MRTFA: variants seen among roughly 807,000 people sequenced by gnomAD.
MRTFA encodes the protein myocardin-related transcription factor A.
MRTFA carries 20 observed loss-of-function variants against 83.5 expected under a neutral mutation model. That is an observed-to-expected ratio of 0.24 (90% CI 0.17 to 0.35). The LOEUF (loss-of-function observed/expected upper bound fraction) is 0.35. Ranked by LOEUF, MRTFA falls within the 10% of genes least tolerant of loss-of-function variation. The pLI, the probability that MRTFA is intolerant of heterozygous loss-of-function variation, is 1.00. For missense variants in MRTFA, 1,200 were observed against 1,224.7 expected (o/e 0.98, Z 0.30); for synonymous variants, 659 against 541.2 (o/e 1.22, Z -3.02).
At chr22:40,505,879 G>A (rs2054572048) in intron 3 of MRTFA, among the ~76,000 whole-genome samples, 1 of 152,124 alleles carries the variant, frequency 6.6e-6, no homozygotes, top group Non-Finnish European at 1.5e-5. Context: ...TTCTGTTGCA[G>A]CAGCACAAAA....
chr22:40,547,853 CAA>C (rs1056609474), intron 3 of MRTFA, among the ~76,000 whole-genome samples: 22 of 51,234 alleles, frequency 4.3e-4, no homozygotes, highest in Admixed American at 4.3e-4. Context: ...GACTGTCTCC[CAA>C]AAAAAAAAAA....
chr22:40,635,908 C>T (rs924915531), intron 1 of MRTFA, among the ~76,000 whole-genome samples: 9 of 152,130 alleles, frequency 5.9e-5, no homozygotes, highest in Non-Finnish European at 5.9e-5. Context: ...ATCAAAGGTA[C>T]CCGAAGCGGG....
rs567103232 is a variant in MRTFA, at chr22:40,530,485, T to C, written c.241+21621A>G. Among the ~76,000 whole-genome samples, 30 of 152,288 alleles carry C rather than the reference T, an allele frequency of 2.0e-4. No individual in the cohort carries two copies. The South Asian group carries it at 6.2e-3, about 32-fold the overall frequency. ...CTAATTTCTGTATTTTTAGTAGAGA[T>C]GGGGTTTCACCATGTTGGCCAGGCT... On this transcript the variant is annotated intron_variant, in intron 3 of 14. Transcript: ENST00000355630.
intron 4 of MRTFA, among the ~76,000 whole-genome samples, chr22:40,452,998 G>A (rs1265305212): frequency 6.6e-6 from 1 of 152,080 alleles, no homozygotes; most frequent in East Asian, 1.9e-4. Flanking sequence ...ACTGATCACT[G>A]AGGTAGAAAC....
At position 40,505,966 on chromosome 22, in the gene MRTFA, G is replaced by C. The variant is rs6001945; in HGVS notation, c.242-42680C>G. On this transcript the variant is annotated intron_variant, in intron 3 of 14. Coordinates refer to ENST00000355630, the MANE Select transcript of MRTFA (RefSeq NM_020831.6). Reference sequence around the variant, plus strand: ...TAAAGTGCATTGGCCAGGCGCGGTGGCTCACACCTGTAATCCAGGCACTTT... The same window carrying C: ...TAAAGTGCATTGGCCAGGCGCGGTGCCTCACACCTGTAATCCAGGCACTTT... Among the ~76,000 whole-genome samples the C allele has an allele frequency of 7.4e-3, 1,127 of 152,344 alleles. 25 individuals carry two copies. In the Middle Eastern group the frequency reaches 0.075, roughly 10 times the overall value.
At chr22:40,596,750 A>C (rs1250608585) in intron 1 of MRTFA, among the ~76,000 whole-genome samples, 1 of 152,190 alleles carries the variant, frequency 6.6e-6, no homozygotes. Context: ...AGCTGCAGTG[A>C]GCCAAGATCA....
At chr22:40,548,617 T>C (rs2055402613) in intron 3 of MRTFA, among the ~76,000 whole-genome samples, 1 of 152,000 alleles carries the variant, frequency 6.6e-6, no homozygotes. Context: ...TCCCAGCACT[T>C]TGGGAGGCCA....
chr22:40,441,651 G>C (rs984246184), intron 4 of MRTFA, among the ~76,000 whole-genome samples: 4 of 152,066 alleles, frequency 2.6e-5, no homozygotes, highest in African/African-American at 9.7e-5. Context: ...GCTGGGCGTG[G>C]TGGTGCGCGC....
chr22:40,449,482 ATG>A (rs1242443646), intron 4 of MRTFA, among the ~76,000 whole-genome samples: 1 of 152,238 alleles, frequency 6.6e-6, no homozygotes, highest in Non-Finnish European at 1.5e-5. Flanking sequence ...TTGCATGAAA[ATG>A]TCTGTGGTGT....
intron 1 of MRTFA, among the ~76,000 whole-genome samples, chr22:40,632,330 C>A (rs2056650626): frequency 6.6e-6 from 1 of 152,164 alleles, no homozygotes. Context: ...GTCACCCAGG[C>A]TGGAGTGCAG....
Position 40,420,873 on chromosome 22 carries a change from G to A in MRTFA, c.1155C>T (p.Tyr385=), listed in dbSNP as rs1203029408. The A allele has an allele frequency of 2.5e-6, 4 of 1,613,850 alleles. No homozygotes were observed. In the Admixed American group the frequency reaches 6.7e-5, roughly 27 times the overall value. Residue 385 remains tyrosine (Y), a synonymous_variant, in exon 10 of 15, where the codon TAC becomes TAT. Coordinates refer to ENST00000355630, the MANE Select transcript of MRTFA (RefSeq NM_020831.6). ...TTGGCGGGGCAGGCAGGATGGCCTG[G>A]TAGTTGTGGTGCTGCTGCTGCTGCT...
intron 3 of MRTFA, among the ~76,000 whole-genome samples, chr22:40,472,753 C>T (rs2053936737): frequency 6.6e-6 from 1 of 152,138 alleles, no homozygotes; most frequent in Non-Finnish European, 1.5e-5. Context: ...TTCCCAGCTT[C>T]CATGGTGTCT....
intron 3 of MRTFA, among the ~76,000 whole-genome samples, chr22:40,492,301 T>G (rs1428641401): frequency 1.3e-5 from 2 of 152,218 alleles, no homozygotes; most frequent in African/African-American, 4.8e-5. Flanking sequence ...CCAAGTTTAC[T>G]TAGGGAGTGG....
At position 40,417,060 on chromosome 22, in the gene MRTFA, GA is replaced by G. The variant is rs367823907; in HGVS notation, c.2518-15del. On this transcript the variant is annotated splice_polypyrimidine_tract_variant and intron_variant, in intron 13 of 14. Coordinates refer to ENST00000355630, the MANE Select transcript of MRTFA (RefSeq NM_020831.6). The stretch of plus-strand genomic sequence containing the variant: ...GGAACCATTTTCCTGTGGGACAAAG[GA>G]AAAAAAAAAAAGAGATAAAAATCTT... 0.049 allele frequency: 46,580 copies of G among 944,266 alleles called. 1 individual carries two copies. The highest frequency in any genetic ancestry group is 0.061 in the East Asian group (1,490 of 24,538). The allele number at this position is 944,266 out of a possible 1,614,324, so 58.5% of individuals were successfully genotyped here.
rs368191072 is a variant in MRTFA at position 40,411,813 on chromosome 22, T to C, written c.2673A>G (p.Pro891=). Residue 891 remains proline (P), a synonymous_variant, in exon 15 of 15, where the codon CCA becomes CCG. Transcript: ENST00000355630. Reference sequence around the variant, plus strand: ...CCTGGGGGAGCTCAGCAGAAGGTGATGGCTGTGCTGCCAGGGGGGACCCAC... The same window carrying C: ...CCTGGGGGAGCTCAGCAGAAGGTGACGGCTGTGCTGCCAGGGGGGACCCAC... 6.6e-7 allele frequency: 1 copy of C among 1,519,998 alleles called. No homozygotes were observed. The highest frequency in any genetic ancestry group is 8.8e-7 in the Non-Finnish European group (1 of 1,130,278). 94.2% of individuals were successfully genotyped at this position (1,519,998 alleles called of 1,614,324 possible). A position where few individuals can be genotyped will look rare whatever the true frequency, so the allele number is the denominator to read the frequency against.
chr22:40,458,519 T>G (rs1198151576), intron 4 of MRTFA, among the ~76,000 whole-genome samples: 1 of 152,148 alleles, frequency 6.6e-6, no homozygotes, highest in Non-Finnish European at 1.5e-5. Flanking sequence ...TGAAGCACAC[T>G]GTGTCCTACA....
intron 2 of MRTFA, among the ~76,000 whole-genome samples, chr22:40,578,588 G>A (rs1301580758): frequency 6.6e-6 from 1 of 152,066 alleles, no homozygotes; most frequent in African/African-American, 2.4e-5. Context: ...GCAATGTAGT[G>A]AGACCCCACT....
chr22:40,553,680 T>C (rs1035269512), intron 2 of MRTFA, among the ~76,000 whole-genome samples: 2 of 152,142 alleles, frequency 1.3e-5, no homozygotes, highest in African/African-American at 4.8e-5. Context: ...GGAGAACCTC[T>C]ACTAGGGCAG....
intron 4 of MRTFA, among the ~76,000 whole-genome samples, chr22:40,458,573 T>A (rs1428202010): frequency 1.3e-5 from 2 of 152,194 alleles, no homozygotes; most frequent in African/African-American, 4.8e-5. Flanking sequence ...ACGTGGTAAC[T>A]ATGTGCAAGT....
Sources: allele counts gnomAD v4.1 joint callset (sites outside exome capture counted in the v4.1 genomes callset), GRCh38; gene constraint gnomAD v4.1.1; transcripts MANE v1.5; gene names NCBI Gene and HGNC (gene_info 2026-07-23, HGNC 2026-07-21).